PRR16: variants seen among roughly 807,000 people sequenced by gnomAD.
PRR16 encodes proline rich 16.
PRR16 carries 6 observed loss-of-function variants against 18.2 expected under a neutral mutation model. The ratio of observed to expected loss-of-function variants is 0.33; its 90% confidence interval spans 0.18 to 0.65. The LOEUF (loss-of-function observed/expected upper bound fraction) is 0.65, where lower values mean the gene tolerates loss of function less well. PRR16 is among the 30% of genes least tolerant of loss of function. PRR16 has a pLI of 0.74. For synonymous variants in PRR16, 151 were observed against 147.8 expected, an observed-to-expected ratio of 1.02 and a Z score of -0.16; for missense variants, 412 against 376.6, an observed-to-expected ratio of 1.09 and a Z score of -0.78.
At chr5:120,605,980 G>C (rs1007891416) in intron 1 of PRR16, among the ~76,000 whole-genome samples, 1 of 152,100 alleles carries the variant, frequency 6.6e-6, no homozygotes, top group Non-Finnish European at 1.5e-5. Flanking sequence ...TGTGTTCAGG[G>C]GGCTGTGGGC....
chr5:120,521,978 A>G (rs764188611), intron 1 of PRR16, among the ~76,000 whole-genome samples: 2 of 152,168 alleles, frequency 1.3e-5, no homozygotes. Flanking sequence ...AGCTTCATCC[A>G]TATCCCTACA....
chr5:120,489,462 C>T (rs1295937239), intron 1 of PRR16, among the ~76,000 whole-genome samples: 1 of 152,128 alleles, frequency 6.6e-6, no homozygotes, highest in Admixed American at 6.6e-5. Flanking sequence ...TTATCAGAGA[C>T]TAGGATTGCA....
At chr5:120,662,861 G>T (rs1032558285) in intron 1 of PRR16, among the ~76,000 whole-genome samples, 1 of 152,230 alleles carries the variant, frequency 6.6e-6, no homozygotes, top group African/African-American at 2.4e-5. Flanking sequence ...AGGAATAGGG[G>T]TGGAGGACAA....
chr5:120,784,949 G>A, the PRR16 span, among the ~76,000 whole-genome samples: 2 of 152,216 alleles, frequency 1.3e-5, no homozygotes, highest in South Asian at 2.1e-4. Context: ...CTAGTTGCAG[G>A]TGCTACACAG....
At chr5:120,488,100 T>TA (rs1190223874) in intron 1 of PRR16, among the ~76,000 whole-genome samples, 1 of 152,232 alleles carries the variant, frequency 6.6e-6, no homozygotes, top group African/African-American at 2.4e-5. Flanking sequence ...GATATTGGTC[T>TA]AAAATTCTCT....
intron 1 of PRR16, among the ~76,000 whole-genome samples, chr5:120,543,175 C>T (rs7713491): frequency 0.058 from 8,784 of 152,054 alleles, 891 homozygotes; most frequent in African/African-American, 0.2. Flanking sequence ...CTTAAGAAAA[C>T]GGTTGAGCTT....
the PRR16 span, among the ~76,000 whole-genome samples, chr5:120,723,226 A>C: frequency 2.6e-5 from 4 of 151,932 alleles, no homozygotes; most frequent in African/African-American, 9.7e-5. Context: ...CACAGGACTA[A>C]GAAGAATTGA....
the PRR16 span, among the ~76,000 whole-genome samples, chr5:120,786,998 C>CAA: frequency 6.6e-6 from 1 of 152,014 alleles, no homozygotes; most frequent in Admixed American, 6.6e-5. Flanking sequence ...TGGTTTTAAG[C>CAA]CAAGTCATTT....
chr5:120,787,657 T>C, the PRR16 span, among the ~76,000 whole-genome samples: 1 of 152,212 alleles, frequency 6.6e-6, no homozygotes, highest in African/African-American at 2.4e-5. Context: ...AAGGAATGGG[T>C]TAGTTTGCTC....
the PRR16 span, among the ~76,000 whole-genome samples, chr5:120,766,174 C>G: frequency 2.6e-5 from 4 of 152,102 alleles, no homozygotes; most frequent in Admixed American, 2.6e-4. Flanking sequence ...GTACATACTT[C>G]AAATAGCTTT....
At chr5:120,607,008 A>T (rs953742397) in intron 1 of PRR16, among the ~76,000 whole-genome samples, 5 of 152,204 alleles carry the variant, frequency 3.3e-5, no homozygotes, top group African/African-American at 1.2e-4. Flanking sequence ...TTTCCAAAAC[A>T]TGGGCAGTGC....
At chr5:120,620,026 G>A (rs146583464) in intron 1 of PRR16, among the ~76,000 whole-genome samples, 93 of 152,132 alleles carry the variant, frequency 6.1e-4, no homozygotes, top group Non-Finnish European at 9.6e-4. Flanking sequence ...TTATTAGAGC[G>A]GAGCTAAAAT....
intron 1 of PRR16, among the ~76,000 whole-genome samples, chr5:120,502,940 A>G (rs953882589): frequency 6.6e-6 from 1 of 152,158 alleles, no homozygotes; most frequent in Non-Finnish European, 1.5e-5. Context: ...TTCTCATATC[A>G]TATAGCTCAG....
At chr5:120,661,883 C>A (rs867255976) in intron 1 of PRR16, among the ~76,000 whole-genome samples, 1 of 152,098 alleles carries the variant, frequency 6.6e-6, no homozygotes, top group Non-Finnish European at 1.5e-5. Context: ...GTCTGAGGAA[C>A]CACTAGTATG....
At chr5:120,771,482 T>C in the PRR16 span, among the ~76,000 whole-genome samples, 1 of 152,210 alleles carries the variant, frequency 6.6e-6, no homozygotes, top group South Asian at 2.1e-4. Context: ...GTGAGGAGAT[T>C]TGGGCTTTAG....
At chr5:120,737,488 G>A in the PRR16 span, among the ~76,000 whole-genome samples, 65 of 151,640 alleles carry the variant, frequency 4.3e-4, no homozygotes, top group African/African-American at 1.4e-3. Context: ...AATACTATTT[G>A]ATCATAGTGT....
the PRR16 span, among the ~76,000 whole-genome samples, chr5:120,698,028 G>A: frequency 6.6e-6 from 1 of 152,002 alleles, no homozygotes; most frequent in African/African-American, 2.4e-5. Context: ...GGACTCAGAG[G>A]CCCGACATTC....
Position 120,501,751 on chromosome 5 carries a change from C to T in PRR16, c.159+37106C>T, listed in dbSNP as rs528309738. Among the ~76,000 whole-genome samples, 644 of 151,696 alleles carry T rather than the reference C, an allele frequency of 4.2e-3. 2 individuals carry two copies. The highest frequency in any genetic ancestry group is 7.0e-3 in the Non-Finnish European group (475 of 67,846). On this transcript the variant is annotated intron_variant, in intron 1 of 1. Coordinates refer to ENST00000407149, the MANE Select transcript of PRR16 (RefSeq NM_001300783.2). ...GCGGGCAGATCACAAGGTCAGGAGA[C>T]TGAGACCATCCTGGCTACCACAGTG...
At position 120,587,274 on chromosome 5, in the gene PRR16, A is replaced by G. The variant is rs996754565; in HGVS notation, c.160-98680A>G. Among the ~76,000 whole-genome samples the G allele has an allele frequency of 2.6e-5, 4 of 152,238 alleles. No homozygotes were observed. The East Asian group carries it at 7.7e-4, about 29-fold the overall frequency. Reference sequence around the variant, plus strand: ...CAGCAGCAGATGATGGAGAAGCTGTAGCAAGTTATCCAGAAGACCTAAGAT... The same window carrying G: ...CAGCAGCAGATGATGGAGAAGCTGTGGCAAGTTATCCAGAAGACCTAAGAT... On this transcript the variant is annotated intron_variant, in intron 1 of 1. Transcript: ENST00000407149.
Sources: gnomAD v4.1 joint callset for allele counts (sites outside exome capture counted in the v4.1 genomes callset) on GRCh38, gnomAD v4.1.1 for gene constraint, MANE v1.5 for transcripts, NCBI Gene and HGNC (gene_info 2026-07-23, HGNC 2026-07-21) for gene names.